Variants in MACROH2A1 observed in about 807,000 individuals in gnomAD.
The protein encoded by MACROH2A1 is core histone macro-H2A.1.
Under a neutral mutation model 31.6 loss-of-function variants are expected in MACROH2A1, and 2 were observed. That is an observed-to-expected ratio of 0.06 (90% CI 0.03 to 0.20). MACROH2A1 has a LOEUF of 0.20. Among genes scored for constraint, MACROH2A1 ranks in the 10% least tolerant of loss-of-function variants. The pLI is 1.00. For synonymous variants in MACROH2A1, 169 were observed against 189.6 expected (o/e 0.89, Z 0.89); for missense variants, 230 against 474.0 (o/e 0.49, Z 4.78).
intron 8 of MACROH2A1, among the ~76,000 whole-genome samples, chr5:135,335,760 TGTC>T (rs1490669088): frequency 1.3e-5 from 2 of 152,194 alleles, no homozygotes; most frequent in Admixed American, 6.5e-5. Flanking sequence ...TTCAAATAAA[TGTC>T]GTGGCAATTT....
intron 5 of MACROH2A1, 45 bp from the exon 6 acceptor site, chr5:135,353,090 A>AT: frequency 8.1e-7 from 1 of 1,240,536 alleles, no homozygotes; most frequent in Non-Finnish European, 1.2e-6. Context: ...AGAGCTGGGA[A>AT]GTCTCAGAGA....
rs566907210 is a variant in MACROH2A1, at chr5:135,358,745, G to A, written c.588+1752C>T. The A allele has an allele frequency of 1.3e-5, 12 of 958,026 alleles. No homozygotes were observed. In the East Asian group the frequency reaches 1.0e-3, roughly 83 times the overall value. 59.3% of individuals were successfully genotyped at this position (958,026 alleles called of 1,614,324 possible). On this transcript the variant is annotated intron_variant, in intron 5 of 8. Transcript: ENST00000511689. Reference sequence around the variant, plus strand: ...TATAGAGTATCAATACTTTTCTATGGCTTTTTGTATCCTCACCCTACCAAC... The same window carrying A: ...TATAGAGTATCAATACTTTTCTATGACTTTTTGTATCCTCACCCTACCAAC...
At chr5:135,351,758 T>A (rs780553259) in intron 6 of MACROH2A1, among the ~76,000 whole-genome samples, 26 of 151,492 alleles carry the variant, frequency 1.7e-4, no homozygotes, top group Non-Finnish European at 3.5e-4. Flanking sequence ...AGATGAGGTC[T>A]CACTATCTTG....
chr5:135,350,620 G>C (rs1002542686), intron 6 of MACROH2A1: 2 of 497,610 alleles, frequency 4.0e-6, no homozygotes, highest in Non-Finnish European at 7.2e-6. Flanking sequence ...CCATTTGTGA[G>C]CTGCATCAGC....
At chr5:135,378,544 G>A (rs186203652) in intron 2 of MACROH2A1, among the ~76,000 whole-genome samples, 12 of 152,314 alleles carry the variant, frequency 7.9e-5, no homozygotes, top group African/African-American at 2.4e-4. Context: ...CTTGGGGACC[G>A]GGCATTTACC....
rs1388556057 is a variant in MACROH2A1 at position 135,363,135 on chromosome 5, G to T, written c.478-2528C>A. On this transcript the variant is annotated intron_variant, in intron 4 of 8. Transcript: ENST00000511689. ...CTGTAATCCCAACACTTTGTGGGGG[G>T]CCAAGGCAGGAGGATGCCAGCCTGG... Among the ~76,000 whole-genome samples the T allele has an allele frequency of 2.6e-5, 4 of 151,894 alleles. No individual in the cohort carries two copies. The South Asian group carries it at 8.3e-4, about 32-fold the overall frequency.
intron 6 of MACROH2A1, chr5:135,351,137 A>T: frequency 2.3e-6 from 1 of 428,222 alleles, no homozygotes; most frequent in Non-Finnish European, 4.2e-6. Context: ...TTGAATGAGA[A>T]GTCCAAAAAA....
intron 1 of MACROH2A1, among the ~76,000 whole-genome samples, chr5:135,397,695 C>A (rs572546980): frequency 1.3e-5 from 2 of 152,232 alleles, no homozygotes; most frequent in Non-Finnish European, 2.9e-5. Flanking sequence ...CTGCCCAACT[C>A]TAGTTAAATG....
chr5:135,360,421 G>A, intron 5 of MACROH2A1, 76 bp downstream of exon 5: 1 of 975,686 alleles, frequency 1.0e-6, no homozygotes, highest in Non-Finnish European at 1.6e-6. Flanking sequence ...GATCCCCCCA[G>A]CCTTCCAGTG....
chr5:135,334,885 T>A lies in MACROH2A1; in HGVS notation c.*91A>T. The stretch of plus-strand genomic sequence containing the variant: ...TGAGCAAAACTGAAAATGAAAGGGG[T>A]CCCACCTCCCAGTAGGAGTGAAGGG... On this transcript the variant is annotated 3_prime_UTR_variant, in exon 9 of 9. Coordinates refer to ENST00000511689, the MANE Select transcript of MACROH2A1 (RefSeq NM_138610.3). The A allele has an allele frequency of 9.4e-7, 1 of 1,067,180 alleles. No homozygotes were observed. The highest frequency in any genetic ancestry group is 1.4e-6 in the Non-Finnish European group (1 of 724,536). 66.1% of individuals were successfully genotyped at this position (1,067,180 alleles called of 1,614,324 possible). A position where few individuals can be genotyped will look rare whatever the true frequency, so the allele number is the denominator to read the frequency against.
intron 8 of MACROH2A1, among the ~76,000 whole-genome samples, chr5:135,337,426 G>A (rs556459428): frequency 6.6e-6 from 1 of 152,374 alleles, no homozygotes; most frequent in South Asian, 2.1e-4. Flanking sequence ...CACACCAAAA[G>A]TGTGCCAGTC....
chr5:135,397,107 T>C (rs752562969), intron 1 of MACROH2A1, among the ~76,000 whole-genome samples: 2 of 152,116 alleles, frequency 1.3e-5, no homozygotes, highest in African/African-American at 2.4e-5. Context: ...ACAACACATA[T>C]AGAGTCTTGT....
chr5:135,349,068 C>T (rs917667246), intron 6 of MACROH2A1, among the ~76,000 whole-genome samples: 1 of 152,204 alleles, frequency 6.6e-6, no homozygotes, highest in African/African-American at 2.4e-5. Flanking sequence ...CTCAAAGCTG[C>T]AACTCTGCCT....
upstream of MACROH2A1, chr5:135,399,316 G>C (rs551234271): frequency 1.1e-3 from 170 of 151,836 alleles, no homozygotes; most frequent in Non-Finnish European, 2.0e-3. This position sits in a 1 kb window ranked among gnomAD's most constrained non-coding sequence, Gnocchi z 4.5. Flanking sequence ...CGGCCTCCGC[G>C]CCCGTGCCGC....
At chr5:135,399,741 C>G (rs543531412), upstream of MACROH2A1, 6 of 152,432 alleles carry the variant, frequency 3.9e-5, no homozygotes, top group African/African-American at 1.4e-4. This position sits in a 1 kb window ranked among gnomAD's most constrained non-coding sequence, Gnocchi z 4.5. Flanking sequence ...AGATCAATTA[C>G]TGCGCACCCG....
chr5:135,379,171 G>A (rs1205395899), intron 2 of MACROH2A1, among the ~76,000 whole-genome samples: 3 of 152,186 alleles, frequency 2.0e-5, no homozygotes, highest in Admixed American at 6.5e-5. Context: ...CAGCTCTGCA[G>A]GGAACGCGCC....
At chr5:135,358,777 T>A (rs1003658635) in intron 5 of MACROH2A1, 2 of 979,572 alleles carry the variant, frequency 2.0e-6, no homozygotes, top group Non-Finnish European at 1.2e-6. Context: ...CAACTCTGAG[T>A]AGGGAACAGT....
rs577371974 is a variant in MACROH2A1, at chr5:135,344,716, T to A, written c.778+1252A>T. The A allele has an allele frequency of 3.3e-5, 5 of 152,400 alleles. No homozygotes were observed. In the South Asian group the frequency reaches 8.3e-4, roughly 25 times the overall value. The allele number at this position is 152,400 out of a possible 1,614,324, so 9.4% of individuals were successfully genotyped here. On this transcript the variant is annotated intron_variant, in intron 7 of 8. Coordinates refer to ENST00000511689, the MANE Select transcript of MACROH2A1 (RefSeq NM_138610.3). Reference sequence around the variant, plus strand: ...ATGTTTTATTCACCTCTTTATACTTTCAAAAATATTTTAAAGCAGTTTCTA... The same window carrying A: ...ATGTTTTATTCACCTCTTTATACTTACAAAAATATTTTAAAGCAGTTTCTA...
chr5:135,346,124 G>T, intron 6 of MACROH2A1, 67 bp from the exon 7 acceptor site: 2 of 912,790 alleles, frequency 2.2e-6, no homozygotes, highest in Non-Finnish European at 1.9e-6. Context: ...CACTTAGCAT[G>T]TCAGGTGATT....
Sources: allele counts gnomAD v4.1 joint callset (sites outside exome capture counted in the v4.1 genomes callset), GRCh38; gene constraint gnomAD v4.1.1; non-coding constraint Gnocchi (gnomAD v3.1); transcripts MANE v1.5; gene names NCBI Gene and HGNC (gene_info 2026-07-23, HGNC 2026-07-21).